Variants in FUT8 observed in about 807,000 individuals in gnomAD.
FUT8 encodes alpha-(1,6)-fucosyltransferase.
In FUT8, 29 loss-of-function variants were observed where a neutral mutation model predicts 71.3. The observed-to-expected ratio is 0.41, with a 90% CI of 0.30 to 0.55. FUT8 has a LOEUF of 0.55. FUT8 is among the 20% of genes least tolerant of loss of function. The pLI, the probability that FUT8 is intolerant of heterozygous loss-of-function variation, is 0.34. For synonymous variants in FUT8, 254 were observed against 239.3 expected, an observed-to-expected ratio of 1.06 and a Z score of -0.57; for missense variants, 544 against 702.1, an observed-to-expected ratio of 0.77 and a Z score of 2.55.
rs1343281188 is a variant in FUT8 at position 65,467,552 on chromosome 14, C to T, written c.-228+11834C>T. 2.0e-5 allele frequency among the ~76,000 whole-genome samples: 3 copies of T among 152,176 alleles called. No homozygotes were observed. The highest frequency in any genetic ancestry group is 1.5e-5 in the Non-Finnish European group (1 of 68,034). ...AGTGCAGTGGTGTGATCTTGGCTCACTGCAACCTCCACCTCCTGGGTTCAA... is the reference window on the plus strand; with the variant it reads ...AGTGCAGTGGTGTGATCTTGGCTCATTGCAACCTCCACCTCCTGGGTTCAA... On this transcript the variant is annotated intron_variant, in intron 2 of 10. Coordinates refer to ENST00000673929, the MANE Select transcript of FUT8 (RefSeq NM_001371533.1). This position sits in a 1 kb window ranked among gnomAD's most constrained non-coding sequence, Gnocchi z 4.1.
Position 65,506,626 on chromosome 14 carries a change from T to TA in FUT8, c.-228+50915dup, listed in dbSNP as rs967637309. On this transcript the variant is annotated intron_variant, in intron 2 of 10. Transcript: ENST00000673929. The stretch of plus-strand genomic sequence containing the variant: ...GAATTGTACTACTTATTGATTTTTT[T>TA]AAAAAAATGTATTTTTAATTTTCGC... 2.6e-5 allele frequency among the ~76,000 whole-genome samples: 4 copies of TA among 152,300 alleles called. 1 individual carries two copies. Among genetic ancestry groups the TA allele is most frequent in the African/African-American group, 7.2e-5 (3 of 41,570 alleles).
chr14:65,655,525 T>G (rs1001986680), intron 6 of FUT8, among the ~76,000 whole-genome samples: 2 of 131,028 alleles, frequency 1.5e-5, no homozygotes, highest in Non-Finnish European at 3.4e-5. Flanking sequence ...TCAGACAGAA[T>G]AGACTTCAGA....
At chr14:65,538,518 T>C (rs1427127836) in intron 2 of FUT8, among the ~76,000 whole-genome samples, 1 of 152,134 alleles carries the variant, frequency 6.6e-6, no homozygotes, top group Non-Finnish European at 1.5e-5. Context: ...CATCTATGGC[T>C]CCTGGAGCTG....
At chr14:65,392,429 A>G in the FUT8 span, among the ~76,000 whole-genome samples, 1 of 152,224 alleles carries the variant, frequency 6.6e-6, no homozygotes, top group East Asian at 1.9e-4. Context: ...TCATTATGCA[A>G]GTCAGAAAAT....
intron 3 of FUT8, among the ~76,000 whole-genome samples, chr14:65,565,989 A>G (rs116575663): frequency 0.038 from 5,836 of 152,000 alleles, 386 homozygotes; most frequent in African/African-American, 0.13. Flanking sequence ...ATGGTGGCAT[A>G]AAACAATCAT....
chr14:65,612,824 AT>A (rs1889069682), intron 3 of FUT8, among the ~76,000 whole-genome samples: 1 of 152,104 alleles, frequency 6.6e-6, no homozygotes, highest in African/African-American at 2.4e-5. Context: ...TCTAACCTGG[AT>A]TTTGAGTTGT....
rs567518525 is a variant in FUT8, at chr14:65,489,440, A to G, written c.-228+33722A>G. On this transcript the variant is annotated intron_variant, in intron 2 of 10. Transcript: ENST00000673929. This position sits in a 1 kb window ranked among gnomAD's most constrained non-coding sequence, Gnocchi z 4.0. ...TCTCCCTAAAAGTATTGATGTTTTT[A>G]TAGGAATCTCTGCTATCCAGGGATA... is the stretch of plus-strand genomic sequence containing the variant. Among the ~76,000 whole-genome samples the G allele has an allele frequency of 3.9e-5, 6 of 152,222 alleles. No individual in the cohort carries two copies. The highest frequency in any genetic ancestry group is 4.1e-4 in the South Asian group (2 of 4,826).
chr14:65,729,616 A>G (rs923013355), intron 9 of FUT8, among the ~76,000 whole-genome samples: 4 of 151,806 alleles, frequency 2.6e-5, no homozygotes, highest in South Asian at 2.1e-4. Context: ...CCTGGGCTCA[A>G]TGATCCTCCC....
chr14:65,523,334 G>A (rs1289672854), intron 2 of FUT8, among the ~76,000 whole-genome samples: 4 of 152,192 alleles, frequency 2.6e-5, no homozygotes, highest in Non-Finnish European at 5.9e-5. Context: ...GTGATGATGA[G>A]CATTTTTTCA....
the FUT8 span, among the ~76,000 whole-genome samples, chr14:65,365,134 T>A: frequency 6.6e-6 from 1 of 152,190 alleles, no homozygotes; most frequent in African/African-American, 2.4e-5. Context: ...ATAATCAGAG[T>A]TTTACTTCCA....
intron 6 of FUT8, among the ~76,000 whole-genome samples, chr14:65,658,445 A>T (rs1490843031): frequency 6.6e-6 from 1 of 152,148 alleles, no homozygotes; most frequent in Non-Finnish European, 1.5e-5. Flanking sequence ...ATCCTAGAGA[A>T]AACCCATGTC....
the FUT8 span, among the ~76,000 whole-genome samples, chr14:65,370,787 G>A: frequency 3.3e-5 from 5 of 152,084 alleles, no homozygotes; most frequent in Admixed American, 6.6e-5. Context: ...AAAACAAACC[G>A]TTTATTAACA....
At chr14:65,707,597 T>C (rs961869724) in intron 7 of FUT8, among the ~76,000 whole-genome samples, 1 of 152,196 alleles carries the variant, frequency 6.6e-6, no homozygotes, top group Non-Finnish European at 1.5e-5. Flanking sequence ...TTTCCCGTTT[T>C]CTTCCTATAG....
chr14:65,692,398 G>T (rs1893681437), intron 7 of FUT8, among the ~76,000 whole-genome samples: 1 of 147,498 alleles, frequency 6.8e-6, no homozygotes. Flanking sequence ...CGGCTGGCCG[G>T]GCGGGGGGCT....
At chr14:65,455,075 A>C (rs1016459412) in intron 1 of FUT8, among the ~76,000 whole-genome samples, 1 of 152,216 alleles carries the variant, frequency 6.6e-6, no homozygotes, top group Admixed American at 6.5e-5. Context: ...GGAGAAAAAA[A>C]TCCCTGTTTT....
the FUT8 span, among the ~76,000 whole-genome samples, chr14:65,404,346 G>A: frequency 2.7e-5 from 4 of 150,780 alleles, no homozygotes; most frequent in Non-Finnish European, 5.9e-5. Context: ...TAATTTTTTT[G>A]TATTTTTAGT....
At chr14:65,552,111 G>A (rs1885322688) in intron 2 of FUT8, among the ~76,000 whole-genome samples, 1 of 152,174 alleles carries the variant, frequency 6.6e-6, no homozygotes, top group Admixed American at 6.6e-5. Flanking sequence ...GCAGGTGGCA[G>A]TGTTCAATTT....
intron 7 of FUT8, among the ~76,000 whole-genome samples, chr14:65,721,080 A>G (rs1895390760): frequency 6.6e-6 from 1 of 152,142 alleles, no homozygotes; most frequent in Non-Finnish European, 1.5e-5. Flanking sequence ...CTCTTTCAGC[A>G]ATATGAAGTT....
At chr14:65,672,935 T>C (rs1892539165) in intron 7 of FUT8, among the ~76,000 whole-genome samples, 1 of 152,210 alleles carries the variant, frequency 6.6e-6, no homozygotes, top group Admixed American at 6.5e-5. Flanking sequence ...TTGTAAAAAT[T>C]AAAAATTATT....
Sources: allele counts gnomAD v4.1 joint callset (sites outside exome capture counted in the v4.1 genomes callset), GRCh38; gene constraint gnomAD v4.1.1; non-coding constraint Gnocchi (gnomAD v3.1); transcripts MANE v1.5; gene names NCBI Gene and HGNC (gene_info 2026-07-23, HGNC 2026-07-21).